AP3M2: variants seen among roughly 807,000 people sequenced by gnomAD.
AP3M2 encodes adaptor related protein complex 3 subunit mu 2, also known as AP-3 complex subunit mu-2.
Under a neutral mutation model 41.6 loss-of-function variants are expected in AP3M2, and 28 were observed. The observed-to-expected ratio is 0.67, with a 90% CI of 0.50 to 0.92. AP3M2 has a LOEUF of 0.92. AP3M2 is among the 40% of genes least tolerant of loss of function. The pLI, the probability that AP3M2 is intolerant of heterozygous loss-of-function variation, is 0.00. For synonymous variants in AP3M2, 193 were observed against 186.4 expected, an observed-to-expected ratio of 1.04 and a Z score of -0.29; for missense variants, 427 against 521.4, an observed-to-expected ratio of 0.82 and a Z score of 1.76.
chr8:42,154,425 G>A, intron 1 of AP3M2, 191 bp from the exon 2 acceptor site: 1 of 409,242 alleles, frequency 2.4e-6, no homozygotes, highest in Non-Finnish European at 4.4e-6. Flanking sequence ...AAAGATAACT[G>A]GGAGTATATG....
At chr8:42,153,975 A>C (rs1804284275) in intron 1 of AP3M2, 1 of 152,196 alleles carries the variant, frequency 6.6e-6, no homozygotes, top group Non-Finnish European at 1.5e-5. Flanking sequence ...CTTTAAAATA[A>C]TAAAACAGGT....
chr8:42,168,732 C>G (rs942031048), intron 8 of AP3M2, among the ~76,000 whole-genome samples: 11 of 151,822 alleles, frequency 7.2e-5, no homozygotes, highest in African/African-American at 2.7e-4. Context: ...TACTTTGTAC[C>G]CTTTCCACTT....
Position 42,157,954 on chromosome 8 carries a change from T to C in AP3M2, c.287T>C (p.Val96Ala). Reference sequence around the variant, plus strand: ...TGTCTCCATCAGGATTATTTTGGAGTCTGTTCAGAGCCAGTGATCAAAGAC... The same window carrying C: ...TGTCTCCATCAGGATTATTTTGGAGCCTGTTCAGAGCCAGTGATCAAAGAC... ...VVDTFQDYFG[V>A]CSEPVIKDNV... Residue 96 changes from valine (V) to alanine (A), a missense_variant, in exon 3 of 9, where the codon GTC becomes GCC. By Grantham distance (64) the Val-to-Ala change is moderately conservative. This residue lies in a region of AP3M2 where 86 missense variants were observed against 142.6 expected (regional missense o/e 0.60). Transcript: ENST00000396926. The C allele has an allele frequency of 6.2e-7, 1 of 1,612,452 alleles. No homozygotes were observed. Among genetic ancestry groups the C allele is most frequent in the Admixed American group, 1.7e-5 (1 of 59,982 alleles).
chr8:42,164,692 G>T (rs1298086539), intron 4 of AP3M2, among the ~76,000 whole-genome samples: 2 of 152,290 alleles, frequency 1.3e-5, no homozygotes, highest in African/African-American at 4.8e-5. Context: ...AGAGCTCATT[G>T]GTGACCTTAG....
At position 42,167,161 on chromosome 8, in the gene AP3M2, C is replaced by T. The variant is rs1201408618; in HGVS notation, c.804-3C>T. The T allele has an allele frequency of 5.0e-6, 8 of 1,613,744 alleles. No individual in the cohort carries two copies. Among genetic ancestry groups the T allele is most frequent in the African/African-American group, 1.3e-5 (1 of 74,902 alleles). On this transcript the variant is annotated splice_polypyrimidine_tract_variant and splice_region_variant and intron_variant, in intron 6 of 8. Transcript: ENST00000396926. Reference sequence around the variant, plus strand: ...GAAATGACTCTTTGTCTCTCATTTCCAGTCTGGTTGCAATCCCAGTGTATG... The same window carrying T: ...GAAATGACTCTTTGTCTCTCATTTCTAGTCTGGTTGCAATCCCAGTGTATG...
chr8:42,169,173 C>G lies in AP3M2; in HGVS notation c.*112C>G, dbSNP rs79559388. 1.7e-5 allele frequency: 13 copies of G among 786,002 alleles called. 1 individual carries two copies. The highest frequency in any genetic ancestry group is 3.3e-4 in the Middle Eastern group (1 of 3,046). 48.7% of individuals were successfully genotyped at this position (786,002 alleles called of 1,614,324 possible). On this transcript the variant is annotated 3_prime_UTR_variant, in exon 9 of 9. Transcript: ENST00000396926. ...AGGTCAGTCCCCTCCTGGACCCACC[C>G]GCTCCCTTTTTTCCTTAGCCTTCAG...
intron 1 of AP3M2, chr8:42,154,267 CCCTCTTCAAAGAACACTGATTGT>C (rs1412531285): frequency 5.7e-6 from 1 of 175,928 alleles, no homozygotes; most frequent in Admixed American, 5.6e-5. Flanking sequence ...TTCTTGGAAG[CCCTCTTCAAAGAACACTGATTGT>C]GTTGCAGTCA....
At chr8:42,162,127 A>G in intron 3 of AP3M2, 154 bp from the exon 4 acceptor site, 1 of 612,570 alleles carries the variant, frequency 1.6e-6, no homozygotes, top group Non-Finnish European at 2.6e-6. Context: ...AGACTAGGTT[A>G]CCCCATATAG....
chr8:42,162,199 G>A, intron 3 of AP3M2, 82 bp from the exon 4 acceptor site: 1 of 1,365,088 alleles, frequency 7.3e-7, no homozygotes, highest in Non-Finnish European at 9.9e-7. Flanking sequence ...TGAATAGTGG[G>A]AGCATAGAAA....
Position 42,165,071 on chromosome 8 carries a change from G to T in AP3M2, c.584G>T (p.Gly195Val). 6.2e-7 allele frequency: 1 copy of T among 1,613,278 alleles called. No individual in the cohort carries two copies. Among genetic ancestry groups the T allele is most frequent in the Non-Finnish European group, 8.5e-7 (1 of 1,179,662 alleles). The change falls in exon 5 of 9, where the codon GGC becomes GTC. Residue 195 changes from glycine (G) to valine (V), a missense_variant and splice_region_variant. Gly to Val is a moderately radical substitution (Grantham distance 109). Around this residue, in one of 3 missense-constraint regions of AP3M2, gnomAD observed 237 missense variants for 284.9 expected, o/e 0.83. Coordinates refer to ENST00000396926, the MANE Select transcript of AP3M2 (RefSeq NM_006803.4). ...EEIDAIIDKS[G>V]STITAEIQGV... The stretch of plus-strand genomic sequence containing the variant: ...TCTTTTTGTCTTATTCCTGTCTCAG[G>T]CTCCACAATTACTGCTGAGATCCAG...
intron 3 of AP3M2, among the ~76,000 whole-genome samples, chr8:42,160,664 AT>A (rs1391747004): frequency 6.6e-6 from 1 of 152,166 alleles, no homozygotes; most frequent in Non-Finnish European, 1.5e-5. Flanking sequence ...TTGGTGTGCA[AT>A]AATGTTTATT....
At chr8:42,157,623 G>A (rs978572214) in intron 2 of AP3M2, among the ~76,000 whole-genome samples, 2 of 115,502 alleles carry the variant, frequency 1.7e-5, no homozygotes, top group Non-Finnish European at 3.6e-5. Context: ...TCAAATTCTT[G>A]TTGATAAGCA....
chr8:42,168,348 C>G (rs1804698030), intron 8 of AP3M2: 1 of 351,218 alleles, frequency 2.8e-6, no homozygotes, highest in Non-Finnish European at 5.7e-6. Flanking sequence ...AAGCTCTTTT[C>G]ATGTGTTTTC....
Position 42,162,325 on chromosome 8 carries a change from G to A in AP3M2, c.490G>A (p.Val164Met), listed in dbSNP as rs1312515960. ...GDQLPTGQLS[V>M]VPWRRTGVKY... The stretch of plus-strand genomic sequence containing the variant: ...CCAGCTTCCCACTGGGCAGCTGTCA[G>A]TGGTGCCTTGGCGACGGACTGGGGT... Residue 164 changes from valine (V) to methionine (M), a missense_variant, in exon 4 of 9, where the codon GTG (valine) becomes ATG (methionine). Val to Met is a conservative substitution (Grantham distance 21). Coordinates refer to ENST00000396926, the MANE Select transcript of AP3M2 (RefSeq NM_006803.4). The A allele has an allele frequency of 6.2e-7, 1 of 1,613,968 alleles. No individual in the cohort carries two copies.
chr8:42,164,335 C>T (rs1221699433), intron 4 of AP3M2, among the ~76,000 whole-genome samples: 1 of 152,110 alleles, frequency 6.6e-6, no homozygotes, highest in East Asian at 1.9e-4. Flanking sequence ...GCCTCAGTGT[C>T]ATCCAAGTGG....
At chr8:42,167,644 T>G (rs1564119493) in intron 7 of AP3M2, 22 bp from the exon 8 acceptor site, 5 of 1,596,592 alleles carry the variant, frequency 3.1e-6, no homozygotes, top group Non-Finnish European at 4.3e-6. Flanking sequence ...AGACCACTTC[T>G]CCATTTTTAT....
intron 5 of AP3M2, 134 bp from the exon 6 acceptor site, chr8:42,165,293 T>G (rs1804608774): frequency 6.3e-6 from 9 of 1,436,942 alleles, no homozygotes; most frequent in South Asian, 1.3e-5. Context: ...TTGAATTTTC[T>G]AGAAGTCACT....
At position 42,154,685 on chromosome 8, in the gene AP3M2, A is replaced by G. The variant is rs749941452; in HGVS notation, c.-3A>G. The G allele has an allele frequency of 1.9e-6, 3 of 1,613,026 alleles. No homozygotes were observed. Among genetic ancestry groups the G allele is most frequent in the South Asian group, 2.2e-5 (2 of 91,066 alleles). ...CTTTCTTCTGTCACTGACAATCGCC[A>G]CCATGATCCATAGTCTTTTCTTGAT... On this transcript the variant is annotated 5_prime_UTR_variant, in exon 2 of 9. Transcript: ENST00000396926.
In AP3M2 at chr8:42,165,579, T is replaced by G; in HGVS notation, c.803+19T>G. The G allele has an allele frequency of 6.2e-7, 1 of 1,613,640 alleles. No homozygotes were observed. The highest frequency in any genetic ancestry group is 8.5e-7 in the Non-Finnish European group (1 of 1,179,754). ...CACAGAAGTAAGCAGCTCTTATAAT[T>G]AAGAATGGAATCCGTGTATGTACAT... On this transcript the variant is annotated intron_variant, in intron 6 of 8. Coordinates refer to ENST00000396926, the MANE Select transcript of AP3M2 (RefSeq NM_006803.4).
Sources: allele counts gnomAD v4.1 joint callset (sites outside exome capture counted in the v4.1 genomes callset), GRCh38; gene constraint gnomAD v4.1.1; regional missense constraint gnomAD v4.1.1; transcripts MANE v1.5; gene names NCBI Gene and HGNC (gene_info 2026-07-23, HGNC 2026-07-21).